ZNF469: variants seen among roughly 807,000 people sequenced by gnomAD.
The protein encoded by ZNF469 is zinc finger protein 469.
ZNF469 carries 1 observed loss-of-function variant against 1.0 expected under a neutral mutation model. That is an observed-to-expected ratio of 1.00 (90% CI 0.35 to 4.73). The LOEUF (loss-of-function observed/expected upper bound fraction) is 4.73, where lower values mean the gene tolerates loss of function less well. Among genes scored for constraint, ZNF469 ranks in the 30% most tolerant of loss-of-function variants. The pLI is 0.16. For synonymous variants in ZNF469, 2,703 were observed against 2,363.4 expected (o/e 1.14, Z -4.17); for missense variants, 6,100 against 5,356.3 (o/e 1.14, Z -4.33).
intron 1 of ZNF469, among the ~76,000 whole-genome samples, chr16:88,402,503 G>C (rs539053486): frequency 6.6e-6 from 1 of 152,244 alleles, no homozygotes; most frequent in South Asian, 2.1e-4. Flanking sequence ...GGGCCAAGTT[G>C]TGTTTGAAGG....
the ZNF469 span, among the ~76,000 whole-genome samples, chr16:88,290,574 A>G: frequency 1.3e-5 from 2 of 152,162 alleles, no homozygotes; most frequent in African/African-American, 4.8e-5. Flanking sequence ...ATACAATTCT[A>G]TGTAAATAAA....
At chr16:88,367,577 T>C in the ZNF469 span, among the ~76,000 whole-genome samples, 1 of 152,188 alleles carries the variant, frequency 6.6e-6, no homozygotes, top group Non-Finnish European at 1.5e-5. Context: ...TGTGATGAAC[T>C]GAAGCAGGAA....
At chr16:88,345,604 G>A in the ZNF469 span, among the ~76,000 whole-genome samples, 1 of 152,152 alleles carries the variant, frequency 6.6e-6, no homozygotes, top group African/African-American at 2.4e-5. Flanking sequence ...CACCTGGGCA[G>A]CTGTCCCCTC....
chr16:88,380,397 CCTCACACAGACATGCA>C (rs1368822181), upstream of ZNF469, among the ~76,000 whole-genome samples: 1 of 73,734 alleles, frequency 1.4e-5, no homozygotes, highest in Non-Finnish European at 2.2e-5. Flanking sequence ...ACAGACACGC[CCTCACACAGACATGCA>C]CTCACACAGA....
chr16:88,107,485 G>A, the ZNF469 span, among the ~76,000 whole-genome samples: 11 of 152,312 alleles, frequency 7.2e-5, no homozygotes, highest in East Asian at 1.9e-4. Context: ...TTCAGTCACC[G>A]CCCCCTGGGC....
chr16:88,110,582 G>T, the ZNF469 span, among the ~76,000 whole-genome samples: 3 of 152,244 alleles, frequency 2.0e-5, no homozygotes, highest in South Asian at 6.2e-4. Context: ...CTTCAGGCCC[G>T]TCTCTGCCTC....
chr16:88,265,198 T>G, the ZNF469 span, among the ~76,000 whole-genome samples: 42 of 152,208 alleles, frequency 2.8e-4, no homozygotes, highest in East Asian at 7.2e-3. Flanking sequence ...CTCGTGTGAG[T>G]GAGTCACCGG....
the ZNF469 span, among the ~76,000 whole-genome samples, chr16:88,306,274 C>CA: frequency 6.6e-6 from 1 of 152,280 alleles, no homozygotes; most frequent in South Asian, 2.1e-4. Flanking sequence ...CACACCCCTG[C>CA]ATGGCAGGTG....
the ZNF469 span, among the ~76,000 whole-genome samples, chr16:88,144,288 G>A: frequency 6.6e-6 from 1 of 152,182 alleles, no homozygotes; most frequent in Non-Finnish European, 1.5e-5. Context: ...ATTGGGTCAC[G>A]TTTAACTTCG....
chr16:88,130,551 C>G, the ZNF469 span, among the ~76,000 whole-genome samples: 26 of 151,980 alleles, frequency 1.7e-4, no homozygotes, highest in African/African-American at 6.0e-4. Flanking sequence ...ACTAACGATA[C>G]AAAAATTAGC....
chr16:88,391,152 C>T (rs1164187481), intron 1 of ZNF469, among the ~76,000 whole-genome samples: 1 of 152,254 alleles, frequency 6.6e-6, no homozygotes, highest in African/African-American at 2.4e-5. Context: ...AAGTCCCCCG[C>T]AGCCTCAGTT....
intron 1 of ZNF469, among the ~76,000 whole-genome samples, chr16:88,397,541 C>T (rs1219172090): frequency 1.2e-4 from 18 of 151,216 alleles, no homozygotes; most frequent in Admixed American, 1.2e-3. Flanking sequence ...TTTGCCCCAC[C>T]ATGTAAATCC....
the ZNF469 span, among the ~76,000 whole-genome samples, chr16:88,127,021 C>T: frequency 6.6e-6 from 1 of 152,282 alleles, no homozygotes; most frequent in East Asian, 1.9e-4. Flanking sequence ...GTTTCATTCA[C>T]CATGTTGGCC....
chr16:88,402,626 C>T (rs1904914124), intron 1 of ZNF469, among the ~76,000 whole-genome samples: 1 of 152,182 alleles, frequency 6.6e-6, no homozygotes, highest in Non-Finnish European at 1.5e-5. Flanking sequence ...TGACCTGGGT[C>T]TGCCCCCACG....
chr16:88,431,968 T>G lies in ZNF469; in HGVS notation c.4498T>G (p.Ser1500Ala). The change falls in exon 3 of 3, where the codon TCT becomes GCT. Residue 1500 changes from serine (S) to alanine (A), a missense_variant. By Grantham distance (99) the Ser-to-Ala change is moderately conservative. Transcript: ENST00000565624. ...KTVPSDPPYP[S>A]FLLLEEVSPM... ...GGTGCCGTCAGATCCACCGTACCCCTCTTTTTTGCTGCTTGAGGAAGTATC... is the reference window on the plus strand; with the variant it reads ...GGTGCCGTCAGATCCACCGTACCCCGCTTTTTTGCTGCTTGAGGAAGTATC... The G allele has an allele frequency of 6.5e-7, 1 of 1,549,474 alleles. No homozygotes were observed. The highest frequency in any genetic ancestry group is 8.7e-7 in the Non-Finnish European group (1 of 1,146,964).
the ZNF469 span, among the ~76,000 whole-genome samples, chr16:88,291,457 G>C: frequency 6.6e-6 from 1 of 152,198 alleles, no homozygotes; most frequent in South Asian, 2.1e-4. Flanking sequence ...CCTTCGCCAA[G>C]TCCTGCTGCC....
At chr16:88,331,148 CACTATT>C in the ZNF469 span, among the ~76,000 whole-genome samples, 1 of 151,438 alleles carries the variant, frequency 6.6e-6, no homozygotes, top group African/African-American at 2.4e-5. Context: ...CCATCACCAT[CACTATT>C]ACCATCATCA....
Position 88,412,202 on chromosome 16 carries a change from C to T in ZNF469, c.-191-12605C>T, listed in dbSNP as rs1905190790. Among the ~76,000 whole-genome samples the T allele has an allele frequency of 2.6e-5, 4 of 152,318 alleles. No individual in the cohort carries two copies. The South Asian group carries it at 8.3e-4, about 32-fold the overall frequency. ...CCAGGCCCACCCTGCTCTGCCATCC[C>T]CTCTCCAGTCCCAGGCCCGAAGTAA... On this transcript the variant is annotated intron_variant, in intron 1 of 2. Transcript: ENST00000565624.
the ZNF469 span, among the ~76,000 whole-genome samples, chr16:88,135,756 T>C: frequency 0.23 from 5,283 of 22,484 alleles, 1,114 homozygotes; most frequent in African/African-American, 0.39. Flanking sequence ...ATGTTTTTTT[T>C]TTTTTTTTTT....
Sources: allele counts gnomAD v4.1 joint callset (sites outside exome capture counted in the v4.1 genomes callset), GRCh38; gene constraint gnomAD v4.1.1; transcripts MANE v1.5; gene names NCBI Gene and HGNC (gene_info 2026-07-23, HGNC 2026-07-21).